The following SLC6A11 variants were observed in gnomAD, a reference collection of about 807,000 sequenced individuals.
SLC6A11 encodes solute carrier family 6 member 11, also known as sodium- and chloride-dependent GABA transporter 3.
Under a neutral mutation model 74.8 loss-of-function variants are expected in SLC6A11, and 25 were observed. The ratio of observed to expected loss-of-function variants is 0.33; its 90% CI spans 0.24 to 0.47. SLC6A11 has a LOEUF of 0.47. Among genes scored for constraint, SLC6A11 ranks in the 20% least tolerant of loss-of-function variants. The pLI, the probability that SLC6A11 is intolerant of heterozygous loss-of-function variation, is 1.00. For missense variants in SLC6A11, 574 were observed against 837.0 expected, an observed-to-expected ratio of 0.69 and a Z score of 3.88; for synonymous variants, 330 against 330.2, an observed-to-expected ratio of 1.00 and a Z score of 0.01.
chr3:10,872,513 C>T (rs1242860774), intron 5 of SLC6A11, among the ~76,000 whole-genome samples: 1 of 152,212 alleles, frequency 6.6e-6, no homozygotes, highest in African/African-American at 2.4e-5. Flanking sequence ...TGTCTGTGCT[C>T]TTCCATTCTT....
intron 5 of SLC6A11, among the ~76,000 whole-genome samples, chr3:10,873,526 T>C (rs370938791): frequency 8.9e-5 from 13 of 146,090 alleles, no homozygotes; most frequent in South Asian, 2.5e-4. Context: ...CATGCCATCC[T>C]ATCCTGTCCT....
At chr3:10,848,437 T>C (rs1694532018) in intron 5 of SLC6A11, among the ~76,000 whole-genome samples, 1 of 152,320 alleles carries the variant, frequency 6.6e-6, no homozygotes, top group East Asian at 1.9e-4. Flanking sequence ...TCACAACCTT[T>C]TGATGCTAGG....
chr3:10,931,666 G>A (rs1180823424), intron 10 of SLC6A11, among the ~76,000 whole-genome samples: 2 of 152,170 alleles, frequency 1.3e-5, no homozygotes, highest in South Asian at 2.1e-4. Flanking sequence ...TGCAGATCTG[G>A]CCTCACAGCT....
At chr3:10,881,901 A>T (rs1694986059) in intron 6 of SLC6A11, among the ~76,000 whole-genome samples, 1 of 152,180 alleles carries the variant, frequency 6.6e-6, no homozygotes. Context: ...GGGCTCAGAC[A>T]TGCCTATTTG....
chr3:10,937,940 C>T (rs541718977), intron 13 of SLC6A11, among the ~76,000 whole-genome samples: 7 of 152,346 alleles, frequency 4.6e-5, no homozygotes, highest in Admixed American at 3.9e-4. Context: ...CCCTGATGAC[C>T]GCTCTGAGTC....
intron 6 of SLC6A11, among the ~76,000 whole-genome samples, chr3:10,882,771 C>G (rs1278112832): frequency 6.6e-6 from 1 of 152,204 alleles, no homozygotes; most frequent in South Asian, 2.1e-4. Flanking sequence ...ATGGGAGTCA[C>G]TCTGCTGCCA....
intron 4 of SLC6A11, among the ~76,000 whole-genome samples, chr3:10,827,902 C>T (rs1000566518): frequency 3.3e-5 from 5 of 152,156 alleles, no homozygotes; most frequent in Admixed American, 3.3e-4. Context: ...CTGGCTTAGC[C>T]CACGAGAGAA....
intron 8 of SLC6A11, among the ~76,000 whole-genome samples, chr3:10,921,919 A>G (rs1440739507): frequency 1.3e-5 from 2 of 152,246 alleles, no homozygotes; most frequent in East Asian, 3.8e-4. Flanking sequence ...CAATTCATTG[A>G]GAAGACATAA....
At position 10,844,222 on chromosome 3, in the gene SLC6A11, T is replaced by A. The variant is rs1410128955; in HGVS notation, c.632T>A (p.Val211Asp). ...CACCCTCCCTTCTGCAGGCACCGGG[T>A]CCTGGCCATCTCTGACGGGATCGAG... is the stretch of plus-strand genomic sequence containing the variant. ...SPVMEFWEHR[V>D]LAISDGIEHI... Residue 211 changes from valine (V) to aspartate (D), a missense_variant, in exon 5 of 14, where the codon GTC becomes GAC. This residue lies in a region of SLC6A11 where 215 missense variants were observed against 357.9 expected (regional missense o/e 0.60). Transcript: ENST00000254488. 2 of 1,614,174 alleles carry A rather than the reference T, an allele frequency of 1.2e-6. No homozygotes were observed. The highest frequency in any genetic ancestry group is 1.7e-6 in the Non-Finnish European group (2 of 1,180,024).
chr3:10,838,703 T>C (rs1259016305), intron 4 of SLC6A11, among the ~76,000 whole-genome samples: 1 of 151,670 alleles, frequency 6.6e-6, no homozygotes. Context: ...GAGCTGAGAT[T>C]GTACCACTGC....
Position 10,816,271 on chromosome 3 carries a change from G to T in SLC6A11, c.6G>T (p.Thr2=). 1 of 1,342,682 alleles carries T rather than the reference G, an allele frequency of 7.4e-7. No individual in the cohort carries two copies. Among genetic ancestry groups the T allele is most frequent in the Non-Finnish European group, 9.5e-7 (1 of 1,048,354 alleles). 83.2% of individuals were successfully genotyped at this position (1,342,682 alleles called of 1,614,324 possible). A position where few individuals can be genotyped will look rare whatever the true frequency, so the allele number is the denominator to read the frequency against. The part of the protein sequence containing the change: M[T]AEKALPLGNG... ...ACGAGGCAGCCAGCGCGGCCATGAC[G>T]GCGGAGAAGGCGCTGCCCCTGGGCA... The change falls in exon 1 of 14, where the codon ACG becomes ACT. Residue 2 remains threonine (T), a synonymous_variant. Transcript: ENST00000254488. The surrounding 1 kb of genome is among the most constrained non-coding windows in gnomAD (Gnocchi z 4.2).
At chr3:10,938,038 T>C (rs563751026) in intron 13 of SLC6A11, among the ~76,000 whole-genome samples, 1 of 152,296 alleles carries the variant, frequency 6.6e-6, no homozygotes, top group East Asian at 1.9e-4. Context: ...TAGGGACCTC[T>C]ACGGTCCCCA....
At chr3:10,927,816 C>T (rs978714381) in intron 9 of SLC6A11, among the ~76,000 whole-genome samples, 1 of 152,202 alleles carries the variant, frequency 6.6e-6, no homozygotes. Flanking sequence ...AACACCTTTT[C>T]TGGGGAGGCA....
chr3:10,840,742 C>T (rs1207246825), intron 4 of SLC6A11, among the ~76,000 whole-genome samples: 3 of 152,106 alleles, frequency 2.0e-5, no homozygotes, highest in Non-Finnish European at 2.9e-5. Flanking sequence ...GAGCCAGGAT[C>T]CCTGGGCTCA....
At chr3:10,883,911 G>A (rs1006923226) in intron 6 of SLC6A11, among the ~76,000 whole-genome samples, 2 of 152,126 alleles carry the variant, frequency 1.3e-5, no homozygotes, top group African/African-American at 2.4e-5. Flanking sequence ...CAATGTATTT[G>A]TTCCTGAGTT....
intron 5 of SLC6A11, among the ~76,000 whole-genome samples, chr3:10,853,092 A>G (rs947112857): frequency 2.0e-5 from 3 of 152,162 alleles, no homozygotes; most frequent in Non-Finnish European, 2.9e-5. Context: ...GTGCAGTGGC[A>G]GTGGAGTGTC....
intron 5 of SLC6A11, among the ~76,000 whole-genome samples, chr3:10,851,097 C>G (rs1344937589): frequency 1.3e-5 from 2 of 152,268 alleles, no homozygotes; most frequent in South Asian, 4.2e-4. Context: ...AGTGTCCCCC[C>G]ACGCTGCCCC....
At chr3:10,888,550 C>G (rs562254838) in intron 6 of SLC6A11, among the ~76,000 whole-genome samples, 3 of 152,326 alleles carry the variant, frequency 2.0e-5, no homozygotes, top group East Asian at 1.9e-4. Flanking sequence ...AGTAAGGAGA[C>G]AGTGGAGTCA....
intron 5 of SLC6A11, among the ~76,000 whole-genome samples, chr3:10,849,845 CT>C (rs1342632452): frequency 7.5e-6 from 1 of 133,988 alleles, no homozygotes; most frequent in African/African-American, 2.7e-5. Context: ...CTTTTCGTTA[CT>C]GTGTGTCCTT....
Sources: gnomAD v4.1 joint callset for allele counts (sites outside exome capture counted in the v4.1 genomes callset) on GRCh38, gnomAD v4.1.1 for gene constraint, gnomAD v4.1.1 regional missense constraint, Gnocchi (gnomAD v3.1) non-coding constraint, MANE v1.5 for transcripts, NCBI Gene and HGNC (gene_info 2026-07-23, HGNC 2026-07-21) for gene names.